Variants in PPP4R3B observed in about 807,000 individuals in gnomAD.
The protein encoded by PPP4R3B is protein phosphatase 4 regulatory subunit 3B.
A neutral mutation model predicts 95.4 loss-of-function variants in PPP4R3B; 52 were observed. The observed-to-expected ratio is 0.54, with a 90% CI of 0.44 to 0.69. The LOEUF is 0.69. PPP4R3B is among the 30% of genes least tolerant of loss of function. The pLI, the probability that PPP4R3B is intolerant of heterozygous loss-of-function variation, is 0.00. For missense variants in PPP4R3B, 1,003 were observed against 1,005.9 expected, an observed-to-expected ratio of 1.00 and a Z score of 0.04; for synonymous variants, 407 against 343.9, an observed-to-expected ratio of 1.18 and a Z score of -2.03.
At chr2:55,574,829 C>T (rs1304337706) in intron 11 of PPP4R3B, among the ~76,000 whole-genome samples, 17 of 151,478 alleles carry the variant, frequency 1.1e-4, no homozygotes, top group Admixed American at 1.1e-3. Flanking sequence ...CTCCTGACCT[C>T]GTGATCCACC....
chr2:55,590,904 T>C (rs933433007), intron 4 of PPP4R3B, among the ~76,000 whole-genome samples: 3 of 152,180 alleles, frequency 2.0e-5, no homozygotes, highest in Non-Finnish European at 2.9e-5. Context: ...TCAGAGAGTA[T>C]AACATGCTCT....
chr2:55,582,989 G>A (rs1464975122), intron 7 of PPP4R3B, among the ~76,000 whole-genome samples: 1 of 151,908 alleles, frequency 6.6e-6, no homozygotes, highest in Admixed American at 6.6e-5. Context: ...TAGAAACAAT[G>A]ACTACAGTAA....
At chr2:55,601,727 A>G (rs757760634) in intron 3 of PPP4R3B, among the ~76,000 whole-genome samples, 4 of 152,180 alleles carry the variant, frequency 2.6e-5, no homozygotes, top group Non-Finnish European at 5.9e-5. Flanking sequence ...ATGTGCTAGA[A>G]TCTACCAACT....
chr2:55,612,041 A>G (rs1448631989), intron 2 of PPP4R3B, among the ~76,000 whole-genome samples: 2 of 152,180 alleles, frequency 1.3e-5, no homozygotes, highest in Non-Finnish European at 2.9e-5. Context: ...CATAGTCAAC[A>G]TATTTTAATA....
chr2:55,588,526 A>G (rs944167390), intron 5 of PPP4R3B, among the ~76,000 whole-genome samples: 19 of 151,804 alleles, frequency 1.3e-4, no homozygotes, highest in African/African-American at 3.4e-4. Context: ...AAAAAAAAAA[A>G]AAAAAGAAAA....
chr2:55,617,095 G>A (rs1390138739), intron 1 of PPP4R3B, 49 bp downstream of exon 1: 6 of 1,546,332 alleles, frequency 3.9e-6, no homozygotes, highest in South Asian at 3.6e-5. Context: ...CCCAAGCTGT[G>A]CCCCAACCAG....
intron 6 of PPP4R3B, among the ~76,000 whole-genome samples, 168 bp downstream of exon 6, chr2:55,586,450 T>G (rs1690162895): frequency 6.6e-6 from 1 of 152,212 alleles, no homozygotes; most frequent in Non-Finnish European, 1.5e-5. Context: ...GATTACATAC[T>G]GATATTAAAA....
rs1222835916 is a variant in PPP4R3B, at chr2:55,565,003, G to C, written c.1974C>G (p.Asn658Lys). The C allele has an allele frequency of 6.2e-7, 1 of 1,606,836 alleles. No individual in the cohort carries two copies. Among genetic ancestry groups the C allele is most frequent in the Non-Finnish European group, 8.5e-7 (1 of 1,176,882 alleles). ...CAATCGATTCAAGTGCTTTATAAAAGTTTTCAACTATATGGGCAGTAAGAG... is the reference window on the plus strand; with the variant it reads ...CAATCGATTCAAGTGCTTTATAAAACTTTTCAACTATATGGGCAGTAAGAG... The part of the protein sequence containing the change: ...IKSLTAHIVE[N>K]FYKALESIEY... Residue 658 changes from asparagine to lysine, a missense_variant, in exon 14 of 17, where the codon AAC (asparagine) becomes AAG (lysine). Around this residue, in one of 3 missense-constraint regions of PPP4R3B, gnomAD observed 79 missense variants for 124.9 expected, o/e 0.63. Coordinates refer to ENST00000616407, the MANE Select transcript of PPP4R3B (RefSeq NM_001122964.3).
rs577468393 is a variant in PPP4R3B, at chr2:55,549,559, A to G, written c.*352T>C. ...ACTGAAGTTCTGTAAAATTGTTTCT[A>G]GATCGACACCCCGAGGAGCAACCCT... On this transcript the variant is annotated 3_prime_UTR_variant, in exon 17 of 17. Coordinates refer to ENST00000616407, the MANE Select transcript of PPP4R3B (RefSeq NM_001122964.3). The G allele has an allele frequency of 5.3e-6, 1 of 188,956 alleles. No homozygotes were observed. The highest frequency in any genetic ancestry group is 1.5e-4 in the East Asian group (1 of 6,672). The allele number at this position is 188,956 out of a possible 1,614,324, so 11.7% of individuals were successfully genotyped here.
chr2:55,594,020 T>A (rs1691406327), intron 4 of PPP4R3B, among the ~76,000 whole-genome samples: 1 of 152,172 alleles, frequency 6.6e-6, no homozygotes, highest in African/African-American at 2.4e-5. Context: ...TGTAGCAACA[T>A]GAATGGAGCT....
At chr2:55,577,559 A>G (rs888716943) in intron 10 of PPP4R3B, among the ~76,000 whole-genome samples, 1 of 152,162 alleles carries the variant, frequency 6.6e-6, no homozygotes, top group Non-Finnish European at 1.5e-5. Context: ...GGAATTATTA[A>G]AAGACAACAT....
At chr2:55,597,939 T>C (rs1236877441) in intron 4 of PPP4R3B, among the ~76,000 whole-genome samples, 1 of 152,174 alleles carries the variant, frequency 6.6e-6, no homozygotes, top group African/African-American at 2.4e-5. Flanking sequence ...AAGGCTGGGC[T>C]GGGCGCGGTG....
intron 2 of PPP4R3B, among the ~76,000 whole-genome samples, chr2:55,608,493 T>C (rs72803591): frequency 6.6e-6 from 1 of 152,202 alleles, no homozygotes; most frequent in African/African-American, 2.4e-5. Context: ...CTACCTTCAA[T>C]AAAGATCACA....
intron 2 of PPP4R3B, among the ~76,000 whole-genome samples, chr2:55,607,679 T>A (rs917685354): frequency 6.6e-6 from 1 of 152,086 alleles, no homozygotes; most frequent in African/African-American, 2.4e-5. Flanking sequence ...TAAACAGGTA[T>A]AATTAAGTAA....
At chr2:55,606,775 T>C (rs60356354) in intron 2 of PPP4R3B, among the ~76,000 whole-genome samples, 6,541 of 149,176 alleles carry the variant, frequency 0.044, 177 homozygotes, top group South Asian at 0.12. Context: ...GTGAGCGAGA[T>C]TGCATCATTG....
rs536824640 is a variant in PPP4R3B, at chr2:55,610,169, T to C, written c.198+5282A>G. Among the ~76,000 whole-genome samples, 6 of 152,280 alleles carry C rather than the reference T, an allele frequency of 3.9e-5. No individual in the cohort carries two copies. In the South Asian group the frequency reaches 8.3e-4, roughly 21 times the overall value. On this transcript the variant is annotated intron_variant, in intron 2 of 16. Transcript: ENST00000616407. ...AAATTTTCCAGCACTTTCTGGAAAA[T>C]ATACTGGAGCTCTGTTCCTTCAAGT...
At chr2:55,609,673 AAAAAAAAAC>A (rs1559054952) in intron 2 of PPP4R3B, among the ~76,000 whole-genome samples, 2 of 151,878 alleles carry the variant, frequency 1.3e-5, no homozygotes, top group Admixed American at 6.6e-5. Flanking sequence ...GTCTCAAAAA[AAAAAAAAAC>A]AAAAAAAACA....
intron 4 of PPP4R3B, among the ~76,000 whole-genome samples, chr2:55,596,700 C>T (rs568852769): frequency 2.6e-5 from 4 of 152,342 alleles, no homozygotes; most frequent in Non-Finnish European, 5.9e-5. Context: ...CAGTGGCTCA[C>T]GCCTGTAATC....
chr2:55,589,294 T>A (rs1009989364), intron 4 of PPP4R3B, among the ~76,000 whole-genome samples: 1 of 152,202 alleles, frequency 6.6e-6, no homozygotes, highest in Non-Finnish European at 1.5e-5. Context: ...AATTTAAACA[T>A]AATTCAAACA....
Sources: gnomAD v4.1 joint callset for allele counts (sites outside exome capture counted in the v4.1 genomes callset) on GRCh38, gnomAD v4.1.1 for gene constraint, gnomAD v4.1.1 regional missense constraint, MANE v1.5 for transcripts, NCBI Gene and HGNC (gene_info 2026-07-23, HGNC 2026-07-21) for gene names.